NCOR2: variants seen among roughly 807,000 people sequenced by gnomAD.
NCOR2 encodes the protein nuclear receptor corepressor 2, also known as CTG repeat protein 26.
Under a neutral mutation model 262.9 loss-of-function variants are expected in NCOR2, and 81 were observed. That is an observed-to-expected ratio of 0.31 (90% confidence interval 0.26 to 0.37). The LOEUF (loss-of-function observed/expected upper bound fraction) is 0.37, where lower values mean the gene tolerates loss of function less well. Ranked by LOEUF, NCOR2 falls within the 10% of genes least tolerant of loss-of-function variation. NCOR2 has a pLI of 1.00. For synonymous variants in NCOR2, 1,659 were observed against 1,559.3 expected, an observed-to-expected ratio of 1.06 and a Z score of -1.51; for missense variants, 3,385 against 3,621.4, an observed-to-expected ratio of 0.93 and a Z score of 1.68.
In NCOR2 at chr12:124,441,897, G is replaced by A. The variant is rs1291359589; in HGVS notation, c.816-3901C>T. Among the ~76,000 whole-genome samples the A allele has an allele frequency of 5.3e-5, 8 of 152,210 alleles. No individual in the cohort carries two copies. The East Asian group carries it at 1.5e-3, about 29-fold the overall frequency. ...CCAGTCTTACCAGGAGGAAACACCT[G>A]TCAAAGAAAGCCATGACCAGTGATC... On this transcript the variant is annotated intron_variant, in intron 7 of 46. Coordinates refer to ENST00000405201, the Ensembl canonical transcript of NCOR2.
At chr12:124,450,497 G>A (rs767081915) in intron 6 of NCOR2, among the ~76,000 whole-genome samples, 6 of 152,258 alleles carry the variant, frequency 3.9e-5, no homozygotes, top group Admixed American at 1.3e-4. Context: ...GGAGACGGGC[G>A]CTAGGATGTT....
Position 124,555,371 on chromosome 12 carries a change from C to T in NCOR2, c.-165+11937G>A, listed in dbSNP as rs115455282. On this transcript the variant is annotated intron_variant, in intron 1 of 32. Transcript: ENST00000458234. ...CCTACTATACCCTCCAGTGTGTGCA[C>T]AGCTCACAAAGCCCAGGGAGCCCGA... Among the ~76,000 whole-genome samples, 370 of 152,270 alleles carry T rather than the reference C, an allele frequency of 2.4e-3. 3 individuals are homozygous for T. The highest frequency in any genetic ancestry group is 8.4e-3 in the African/African-American group (349 of 41,554).
chr12:124,488,182 G>T (rs959767157), intron 1 of NCOR2, among the ~76,000 whole-genome samples: 3 of 152,178 alleles, frequency 2.0e-5, no homozygotes, highest in Admixed American at 6.5e-5. Flanking sequence ...AATGCCAGGT[G>T]GGTGCGTTGA....
In NCOR2 at chr12:124,340,335, G is replaced by A. The variant is rs755025520; in HGVS notation, c.5447C>T (p.Thr1816Met). 30 of 1,612,674 alleles carry A rather than the reference G, an allele frequency of 1.9e-5. No individual in the cohort carries two copies. The highest frequency in any genetic ancestry group is 2.0e-5 in the Non-Finnish European group (24 of 1,179,984). Reference sequence around the variant, plus strand: ...TGCGTGCTCCACCGTCGTGGTGGACGTGAGGATGGACTTTTCCCGCTCCCG... The same window carrying A: ...TGCGTGCTCCACCGTCGTGGTGGACATGAGGATGGACTTTTCCCGCTCCCG... Residue 1816 changes from threonine (T) to methionine (M), a missense_variant, in exon 36 of 47, where the codon ACG becomes ATG. Thr to Met is a moderately conservative substitution (Grantham distance 81). This residue lies in a region of NCOR2 where 1,615 missense variants were observed against 1,626.9 expected (regional missense o/e 0.99). Transcript: ENST00000405201.
intron 6 of NCOR2, among the ~76,000 whole-genome samples, chr12:124,456,048 TA>T (rs943091619): frequency 6.6e-6 from 1 of 152,214 alleles, no homozygotes; most frequent in African/African-American, 2.4e-5. Context: ...GTGAATTTTT[TA>T]ATTTTTTGCA....
chr12:124,348,016 T>C (rs1192501836), intron 29 of NCOR2, 105 bp from the exon 32 acceptor site: 42 of 1,453,576 alleles, frequency 2.9e-5, no homozygotes, highest in African/African-American at 2.7e-4. Flanking sequence ...CCCACGATGA[T>C]GGTGGAGTAG....
chr12:124,416,708 T>C (rs1344136811), intron 13 of NCOR2, among the ~76,000 whole-genome samples: 1 of 115,418 alleles, frequency 8.7e-6, no homozygotes, highest in African/African-American at 3.5e-5. Flanking sequence ...GCGGCACAGA[T>C]AGAACCCGCG....
intron 13 of NCOR2, among the ~76,000 whole-genome samples, chr12:124,416,539 G>A (rs964880747): frequency 1.3e-5 from 2 of 150,188 alleles, no homozygotes; most frequent in Admixed American, 1.3e-4. Context: ...GGGAGACCCC[G>A]CGGCACAGGG....
rs142980525 is a variant in NCOR2 at position 124,431,241 on chromosome 12, C to T, written c.883-454G>A. Among the ~76,000 whole-genome samples the T allele has an allele frequency of 3.4e-4, 52 of 151,504 alleles. 1 individual carries two copies. In the East Asian group the frequency reaches 9.1e-3, roughly 27 times the overall value. On this transcript the variant is annotated intron_variant, in intron 8 of 46. Coordinates refer to ENST00000405201, the Ensembl canonical transcript of NCOR2. ...AGTCAGACAGATATACACAGGCACA[C>T]GTACATACAGGCACACACAAGTCAC...
At chr12:124,388,862 C>T (rs1565899893) in intron 16 of NCOR2, 4 of 1,036,504 alleles carry the variant, frequency 3.9e-6, no homozygotes, top group Non-Finnish European at 3.8e-6. Flanking sequence ...CTCCGTCCCA[C>T]GGTGAGGGAG....
At position 124,531,526 on chromosome 12, in the gene NCOR2, G is replaced by A. The variant is rs1276433444; in HGVS notation, c.-118+4039C>T. ...AGGAGGGGTAGGGAGCAGGAAGGAAGGGGGAGGGGAGGAAGGGATTGCAGG... is the reference window on the plus strand; with the variant it reads ...AGGAGGGGTAGGGAGCAGGAAGGAAAGGGGAGGGGAGGAAGGGATTGCAGG... On this transcript the variant is annotated intron_variant, in intron 1 of 46. Transcript: ENST00000404621. The surrounding 1 kb of genome is among the most constrained non-coding windows in gnomAD (Gnocchi z 4.5). Among the ~76,000 whole-genome samples, 1 of 152,198 alleles carries A rather than the reference G, an allele frequency of 6.6e-6. No homozygotes were observed. Among genetic ancestry groups the A allele is most frequent in the African/African-American group, 2.4e-5 (1 of 41,444 alleles).
chr12:124,511,744 G>GT (rs1390548671), intron 1 of NCOR2, among the ~76,000 whole-genome samples: 2 of 152,132 alleles, frequency 1.3e-5, no homozygotes, highest in Non-Finnish European at 2.9e-5. Context: ...GCACAAAGGG[G>GT]TTCTCGGCCA....
chr12:124,537,382 C>T (rs904977085), upstream of NCOR2, among the ~76,000 whole-genome samples: 19 of 152,178 alleles, frequency 1.2e-4, no homozygotes, highest in African/African-American at 4.3e-4. Context: ...GCTGAGGGAT[C>T]GGGGACTGGT....
In NCOR2 at chr12:124,503,546, TGGAC is replaced by T. The variant is rs1169116757; in HGVS notation, c.-117-8182_-117-8179del. On this transcript the variant is annotated intron_variant, in intron 1 of 46. Transcript: ENST00000404621. The surrounding 1 kb of genome is among the most constrained non-coding windows in gnomAD (Gnocchi z 4.3). ...ATGGACAGATGAATGGATGGATGGA[TGGAC>T]GAATGGATGGATGGATAGATGGAAG... Among the ~76,000 whole-genome samples, 1 of 147,152 alleles carries T rather than the reference TGGAC, an allele frequency of 6.8e-6. No individual in the cohort carries two copies. Among genetic ancestry groups the T allele is most frequent in the African/African-American group, 2.6e-5 (1 of 38,786 alleles).
At chr12:124,343,197 C>A in exon 33 of NCOR2, 1 of 1,608,580 alleles carries the variant, frequency 6.2e-7, no homozygotes, top group Non-Finnish European at 8.5e-7. Flanking sequence ...AGCTTTCGGT[C>A]CTGGGATGCC....
At chr12:124,430,662 C>T (rs1451067019) in exon 9 of NCOR2, 22 of 1,613,974 alleles carry the variant, frequency 1.4e-5, no homozygotes, top group Non-Finnish European at 1.9e-5. Flanking sequence ...TCTCAGGGAA[C>T]TGCTTCTCGT....
intron 17 of NCOR2, among the ~76,000 whole-genome samples, chr12:124,382,984 G>C (rs561141818): frequency 6.6e-6 from 1 of 152,168 alleles, no homozygotes; most frequent in African/African-American, 2.4e-5. Flanking sequence ...AAAGCCACCA[G>C]CTCCAAAGCC....
intron 8 of NCOR2, among the ~76,000 whole-genome samples, chr12:124,433,238 C>T (rs1271121694): frequency 1.3e-5 from 2 of 152,230 alleles, no homozygotes; most frequent in Non-Finnish European, 2.9e-5. Context: ...AGACAACGGC[C>T]ACACGTGCTC....
rs981451294 is a variant in NCOR2 at position 124,503,379 on chromosome 12, G to A, written c.-117-8011C>T. Reference sequence around the variant, plus strand: ...GAAGAGGGATAGAGATGGGAGGATGGAGGAGAAAGGAGGAAGGGAGGGAGG... The same window carrying A: ...GAAGAGGGATAGAGATGGGAGGATGAAGGAGAAAGGAGGAAGGGAGGGAGG... On this transcript the variant is annotated intron_variant, in intron 1 of 46. Transcript: ENST00000404621. This position sits in a 1 kb window ranked among gnomAD's most constrained non-coding sequence, Gnocchi z 4.3. Among the ~76,000 whole-genome samples, 5 of 152,190 alleles carry A rather than the reference G, an allele frequency of 3.3e-5. No individual in the cohort carries two copies. Among genetic ancestry groups the A allele is most frequent in the African/African-American group, 1.2e-4 (5 of 41,442 alleles).
Sources: gnomAD v4.1 joint callset for allele counts (sites outside exome capture counted in the v4.1 genomes callset) on GRCh38, gnomAD v4.1.1 for gene constraint, gnomAD v4.1.1 regional missense constraint, Gnocchi (gnomAD v3.1) non-coding constraint, MANE v1.5 for transcripts, NCBI Gene and HGNC (gene_info 2026-07-23, HGNC 2026-07-21) for gene names.